The following SORCS2 variants were observed in gnomAD, a reference collection of about 807,000 sequenced individuals.
SORCS2 encodes the protein VPS10 domain-containing receptor SorCS2.
In SORCS2, 100 loss-of-function variants were observed where a neutral mutation model predicts 141.6. The observed-to-expected ratio is 0.71, with a 90% CI of 0.60 to 0.83. SORCS2 has a LOEUF of 0.83. Ranked by LOEUF, SORCS2 falls within the 40% of genes least tolerant of loss-of-function variation. The pLI is 0.00. For synonymous variants in SORCS2, 789 were observed against 676.9 expected (o/e 1.17, Z -2.57); for missense variants, 1,646 against 1,560.2 (o/e 1.05, Z -0.93).
intron 2 of SORCS2, among the ~76,000 whole-genome samples, chr4:7,482,861 A>G (rs1388301077): frequency 1.3e-5 from 2 of 151,926 alleles, no homozygotes; most frequent in African/African-American, 2.4e-5. Context: ...CCCGCCGCGG[A>G]CACCCCTGGC....
chr4:7,552,995 G>A (rs76208538), intron 3 of SORCS2, among the ~76,000 whole-genome samples: 3,540 of 152,206 alleles, frequency 0.023, 124 homozygotes, highest in African/African-American at 0.076. Context: ...TGGAGTGATC[G>A]TAAGACAATA....
intron 1 of SORCS2, among the ~76,000 whole-genome samples, chr4:7,306,009 T>C (rs555495831): frequency 2.2e-3 from 341 of 152,306 alleles, no homozygotes; most frequent in African/African-American, 7.7e-3. Flanking sequence ...GTAGGACACA[T>C]GTGGTGTCCC....
chr4:7,349,521 G>T (rs1720822452), intron 1 of SORCS2, among the ~76,000 whole-genome samples: 1 of 152,128 alleles, frequency 6.6e-6, no homozygotes, highest in Admixed American at 6.6e-5. Context: ...AGGGGGCTGG[G>T]TGAGGTGGGG....
At position 7,715,371 on chromosome 4, in the gene SORCS2, C is replaced by T; in HGVS notation, c.2252+60C>T. 1.3e-6 allele frequency: 2 copies of T among 1,590,490 alleles called. 1 individual carries two copies. The highest frequency in any genetic ancestry group is 2.2e-5 in the South Asian group (2 of 89,194). On this transcript the variant is annotated intron_variant, in intron 17 of 26. Transcript: ENST00000507866. ...CCGGGGGCAGAGCTGTGGTGCAGCC[C>T]CGAAACCACGCCTTCCTGGCTGGTG...
intron 1 of SORCS2, among the ~76,000 whole-genome samples, chr4:7,297,605 G>A (rs895660714): frequency 3.3e-5 from 5 of 152,308 alleles, no homozygotes; most frequent in African/African-American, 7.2e-5. Flanking sequence ...TCCTGTCCCC[G>A]AGTTCAAGGG....
In SORCS2 at chr4:7,207,720, G is replaced by C. The variant is rs542320971; in HGVS notation, c.480+14594G>C. 6.6e-5 allele frequency among the ~76,000 whole-genome samples: 10 copies of C among 152,278 alleles called. No individual in the cohort carries two copies. The East Asian group carries it at 1.9e-3, about 29-fold the overall frequency. Reference sequence around the variant, plus strand: ...TCTTTCTCTAGGGGGATTTTATGTGGTTCCAATTTCTTCCCATTTCCTGAA... The same window carrying C: ...TCTTTCTCTAGGGGGATTTTATGTGCTTCCAATTTCTTCCCATTTCCTGAA... On this transcript the variant is annotated intron_variant, in intron 1 of 26. Coordinates refer to ENST00000507866, the MANE Select transcript of SORCS2 (RefSeq NM_020777.3).
chr4:7,272,894 C>A (rs1294549039), intron 1 of SORCS2, among the ~76,000 whole-genome samples: 1 of 152,270 alleles, frequency 6.6e-6, no homozygotes, highest in African/African-American at 2.4e-5. Context: ...CTCTCCAAGA[C>A]CCTCTTTGCT....
chr4:7,531,469 G>A (rs1322028893), intron 2 of SORCS2, 61 bp from the exon 3 acceptor site: 49 of 1,512,088 alleles, frequency 3.2e-5, no homozygotes, highest in Non-Finnish European at 4.2e-5. Context: ...GACACCGTGT[G>A]GGCTGACGAA....
intron 19 of SORCS2, among the ~76,000 whole-genome samples, chr4:7,724,544 A>G (rs1177497542): frequency 1.1e-4 from 11 of 102,100 alleles, no homozygotes; most frequent in Admixed American, 5.0e-4. Flanking sequence ...TGATGGTGAT[A>G]GTAGTGGTGG....
At chr4:7,393,969 G>A (rs1241571531) in intron 1 of SORCS2, among the ~76,000 whole-genome samples, 2 of 152,126 alleles carry the variant, frequency 1.3e-5, no homozygotes, top group African/African-American at 4.8e-5. Flanking sequence ...GATGACTGCC[G>A]AGTCAGGGCG....
At position 7,676,137 on chromosome 4, in the gene SORCS2, T is replaced by G; in HGVS notation, c.1249T>G (p.Ser417Ala). 1 of 1,576,644 alleles carries G rather than the reference T, an allele frequency of 6.3e-7. No individual in the cohort carries two copies. The highest frequency in any genetic ancestry group is 8.6e-7 in the Non-Finnish European group (1 of 1,159,878). The change falls in exon 9 of 27, where the codon TCG (serine) becomes GCG (alanine). Residue 417 changes from serine to alanine, a missense_variant. Ser to Ala is a moderately conservative substitution (Grantham distance 99, BLOSUM62 1). Coordinates refer to ENST00000507866, the MANE Select transcript of SORCS2 (RefSeq NM_020777.3). Reference sequence around the variant, plus strand: ...GATGGACACCTACAACCTGTACCAGTCGGACCCACGGGGCGTGCGCTACGC... The same window carrying G: ...GATGGACACCTACAACCTGTACCAGGCGGACCCACGGGGCGTGCGCTACGC... The part of the protein sequence containing the change: ...YQMDTYNLYQ[S>A]DPRGVRYALV...
intron 1 of SORCS2, among the ~76,000 whole-genome samples, chr4:7,332,450 G>C (rs570501403): frequency 6.6e-6 from 1 of 152,312 alleles, no homozygotes; most frequent in East Asian, 1.9e-4. Context: ...CTCTGCTTCT[G>C]TCCAGGGGAG....
chr4:7,345,754 T>C (rs1312039365), intron 1 of SORCS2, among the ~76,000 whole-genome samples: 1 of 152,216 alleles, frequency 6.6e-6, no homozygotes. Context: ...CAAAAGATCT[T>C]TGGTAACCCT....
Position 7,741,149 on chromosome 4 carries a change from G to GGGT in SORCS2, c.*891_*893dup. 1 of 398,692 alleles carries GGGT rather than the reference G, an allele frequency of 2.5e-6. No individual in the cohort carries two copies. Among genetic ancestry groups the GGGT allele is most frequent in the African/African-American group, 2.1e-5 (1 of 48,746 alleles). 24.7% of individuals were successfully genotyped at this position (398,692 alleles called of 1,614,324 possible). On this transcript the variant is annotated 3_prime_UTR_variant, in exon 27 of 27. Coordinates refer to ENST00000507866, the MANE Select transcript of SORCS2 (RefSeq NM_020777.3). ...AGGAGCCAGATGCCCCCAGAAAGGT[G>GGGT]GGTGGTGGAGACGGCACCAGATGTA...
chr4:7,403,977 ATATATATATATATATATATATTTTTTT>A (rs1354474151), intron 2 of SORCS2, among the ~76,000 whole-genome samples: 10 of 14,930 alleles, frequency 6.7e-4, no homozygotes, highest in Admixed American at 2.1e-3. Context: ...ATATATATAT[ATATATATATATATATATATATTTTTTT>A]TTTTTTTTTA....
At chr4:7,647,726 G>A (rs1016958103) in intron 4 of SORCS2, among the ~76,000 whole-genome samples, 8 of 152,200 alleles carry the variant, frequency 5.3e-5, no homozygotes, top group South Asian at 2.1e-4. Flanking sequence ...GATTTGCTAC[G>A]TTTCACACCT....
chr4:7,630,603 C>T (rs4689810), intron 3 of SORCS2, among the ~76,000 whole-genome samples: 59,404 of 152,006 alleles, frequency 0.39, 12,671 homozygotes, highest in East Asian at 0.74. Flanking sequence ...GGCTAGCCGC[C>T]GGAGTGTGTG....
At chr4:7,324,353 T>G (rs1391470149) in intron 1 of SORCS2, among the ~76,000 whole-genome samples, 1 of 152,034 alleles carries the variant, frequency 6.6e-6, no homozygotes, top group Non-Finnish European at 1.5e-5. Flanking sequence ...CCTCTTGGGG[T>G]GGATGCACAG....
chr4:7,366,248 C>T (rs1721877172), intron 1 of SORCS2, among the ~76,000 whole-genome samples: 1 of 151,562 alleles, frequency 6.6e-6, no homozygotes, highest in Non-Finnish European at 1.5e-5. Flanking sequence ...TCCTTCCCTT[C>T]CTCTCTCTCT....
Sources: allele counts gnomAD v4.1 joint callset (sites outside exome capture counted in the v4.1 genomes callset), GRCh38; gene constraint gnomAD v4.1.1; transcripts MANE v1.5; gene names NCBI Gene and HGNC (gene_info 2026-07-23, HGNC 2026-07-21).